ST6GALNAC6: variants seen among roughly 807,000 people sequenced by gnomAD.
The protein encoded by ST6GALNAC6 is ST6 N-acetylgalactosaminide alpha-2,6-sialyltransferase 6.
ST6GALNAC6 carries 19 observed loss-of-function variants against 34.3 expected under a neutral mutation model. That is an observed-to-expected ratio of 0.55 (90% CI 0.39 to 0.81). The LOEUF (loss-of-function observed/expected upper bound fraction) is 0.81. Ranked by LOEUF, ST6GALNAC6 falls within the 40% of genes least tolerant of loss-of-function variation. The probability of loss-of-function intolerance (pLI) is 0.00; values close to 1 mark genes in which losing one functional copy is unlikely to be tolerated. For synonymous variants in ST6GALNAC6, 185 were observed against 182.1 expected (o/e 1.02, Z -0.13); for missense variants, 377 against 467.7 (o/e 0.81, Z 1.79).
intron 2 of ST6GALNAC6, among the ~76,000 whole-genome samples, chr9:127,896,586 G>A (rs1434277101): frequency 6.6e-6 from 1 of 152,190 alleles, no homozygotes; most frequent in Admixed American, 6.5e-5. Flanking sequence ...CAAGGCAGCT[G>A]GCAGGGCCAA....
intron 1 of ST6GALNAC6, 61 bp downstream of exon 1, chr9:127,899,442 C>T (rs1218906942): frequency 3.8e-6 from 3 of 794,628 alleles, no homozygotes; most frequent in African/African-American, 1.9e-5. Flanking sequence ...CGGCGCCCTC[C>T]GCCCCAGCCC....
intron 4 of ST6GALNAC6, among the ~76,000 whole-genome samples, chr9:127,893,808 C>A (rs1299721047): frequency 2.0e-5 from 3 of 150,888 alleles, no homozygotes; most frequent in Non-Finnish European, 3.0e-5. Context: ...AGAGCCCGGG[C>A]TCTACACTCT....
chr9:127,897,483 C>A, intron 2 of ST6GALNAC6: 1 of 969,426 alleles, frequency 1.0e-6, no homozygotes, highest in Non-Finnish European at 1.2e-6. Context: ...CCCGCCCCCT[C>A]TCCAACCCCG....
At chr9:127,897,837 C>G in intron 2 of ST6GALNAC6, 119 bp downstream of exon 2, 1 of 1,580,270 alleles carries the variant, frequency 6.3e-7, no homozygotes, top group Non-Finnish European at 8.6e-7. Context: ...TTTGCCCGAG[C>G]TGTGCCCTCA....
upstream of ST6GALNAC6, chr9:127,904,521 A>G (rs2131606571): frequency 6.6e-6 from 1 of 152,384 alleles, no homozygotes; most frequent in Non-Finnish European, 1.5e-5. Flanking sequence ...AAAGAGCTCT[A>G]AGAGACCCCT....
chr9:127,906,016 G>A (rs897442688), upstream of ST6GALNAC6: 44 of 985,588 alleles, frequency 4.5e-5, no homozygotes, highest in Non-Finnish European at 5.2e-5. Flanking sequence ...CCAGCTCAGG[G>A]CTCTCCTCCC....
upstream of ST6GALNAC6, among the ~76,000 whole-genome samples, chr9:127,902,414 C>G (rs1023622060): frequency 2.0e-5 from 3 of 152,056 alleles, no homozygotes; most frequent in African/African-American, 4.8e-5. Flanking sequence ...CCTGCCTCAG[C>G]CTTCCAAAGT....
At chr9:127,897,488 A>AC (rs1379406906) in intron 2 of ST6GALNAC6, 1 of 957,122 alleles carries the variant, frequency 1.0e-6, no homozygotes, top group South Asian at 4.7e-5. Context: ...CCCCTCTCCA[A>AC]CCCCGCCCCC....
chr9:127,900,722 TG>T (rs1486170498), upstream of ST6GALNAC6, among the ~76,000 whole-genome samples: 2 of 151,096 alleles, frequency 1.3e-5, no homozygotes, highest in East Asian at 3.9e-4. Flanking sequence ...GAGGCTGAGG[TG>T]GGTGGATCAC....
intron 1 of ST6GALNAC6, 115 bp downstream of exon 1, chr9:127,899,388 A>T (rs1343017783): frequency 1.1e-5 from 6 of 558,508 alleles, no homozygotes; most frequent in South Asian, 7.3e-5. Flanking sequence ...CCGCCGGGGG[A>T]CCCGCATCCA....
intron 3 of ST6GALNAC6, 118 bp downstream of exon 3, chr9:127,896,124 G>T: frequency 1.6e-6 from 2 of 1,213,020 alleles, no homozygotes; most frequent in Non-Finnish European, 2.4e-6. Flanking sequence ...GGCATGGGCA[G>T]CTTCTTGCGG....
At chr9:127,889,736 C>T (rs1830023661) in intron 5 of ST6GALNAC6, among the ~76,000 whole-genome samples, 1 of 152,124 alleles carries the variant, frequency 6.6e-6, no homozygotes, top group African/African-American at 2.4e-5. Context: ...AGCTACCGCT[C>T]CCAGCCACAG....
upstream of ST6GALNAC6, chr9:127,905,888 C>T (rs545293354): frequency 1.9e-5 from 18 of 972,010 alleles, no homozygotes; most frequent in African/African-American, 1.6e-4. Flanking sequence ...CCTCTGAGCC[C>T]GGAAACCCCC....
chr9:127,896,529 G>C (rs559733344), intron 2 of ST6GALNAC6, among the ~76,000 whole-genome samples, 197 bp from the exon 3 acceptor site: 3 of 152,224 alleles, frequency 2.0e-5, no homozygotes, highest in Non-Finnish European at 4.4e-5. Flanking sequence ...GCCTGGTGGC[G>C]GCAGAGCCCT....
At chr9:127,892,563 C>T (rs1454684230) in intron 4 of ST6GALNAC6, among the ~76,000 whole-genome samples, 1 of 152,168 alleles carries the variant, frequency 6.6e-6, no homozygotes, top group Non-Finnish European at 1.5e-5. Flanking sequence ...ATTGTCTCAC[C>T]CCCCGCACAC....
At chr9:127,903,673 C>T (rs1012898274), upstream of ST6GALNAC6, 1 of 152,170 alleles carries the variant, frequency 6.6e-6, no homozygotes, top group South Asian at 2.1e-4. Flanking sequence ...AAGCTCCACC[C>T]ATGGCCCTCC....
chr9:127,886,138 C>T lies in ST6GALNAC6; in HGVS notation c.*461G>A, dbSNP rs1255602440. The T allele has an allele frequency of 1.5e-5, 3 of 200,378 alleles. No individual in the cohort carries two copies. The East Asian group carries it at 3.3e-4, about 22-fold the overall frequency. The allele number at this position is 200,378 out of a possible 1,614,324, so 12.4% of individuals were successfully genotyped here. A position where few individuals can be genotyped will look rare whatever the true frequency, so the allele number is the denominator to read the frequency against. On this transcript the variant is annotated 3_prime_UTR_variant, in exon 7 of 7. Coordinates refer to ENST00000373146, the MANE Select transcript of ST6GALNAC6 (RefSeq NM_013443.5). ...CCCCACAAATTCTCTGGCCGGGCCT[C>T]CAGACAGCTTCTACCCCCACACAAT...
intron 1 of ST6GALNAC6, 116 bp from the exon 2 acceptor site, chr9:127,898,126 G>C: frequency 1.5e-6 from 1 of 661,428 alleles, no homozygotes; most frequent in Middle Eastern, 3.9e-4. Flanking sequence ...CGGGCGCGGT[G>C]GCTCACGTCT....
chr9:127,901,070 C>T (rs1421560350), upstream of ST6GALNAC6, among the ~76,000 whole-genome samples: 7 of 148,970 alleles, frequency 4.7e-5, no homozygotes, highest in Middle Eastern at 3.5e-3. Flanking sequence ...GCTGAGTACA[C>T]ATGCCCTGGA....
Sources: gnomAD v4.1 joint callset for allele counts (sites outside exome capture counted in the v4.1 genomes callset) on GRCh38, gnomAD v4.1.1 for gene constraint, MANE v1.5 for transcripts, NCBI Gene and HGNC (gene_info 2026-07-23, HGNC 2026-07-21) for gene names.